DOCK3: variants seen among roughly 807,000 people sequenced by gnomAD.
The protein encoded by DOCK3 is dedicator of cytokinesis 3.
A neutral mutation model predicts 265.6 loss-of-function variants in DOCK3; 60 were observed. The observed-to-expected ratio is 0.23, with a 90% confidence interval of 0.18 to 0.28. DOCK3 has a LOEUF of 0.28. Ranked by LOEUF, DOCK3 falls within the 10% of genes least tolerant of loss-of-function variation. DOCK3 has a pLI of 1.00. For missense variants in DOCK3, 1,981 were observed against 2,594.3 expected (o/e 0.76, Z 5.14); for synonymous variants, 881 against 938.0 (o/e 0.94, Z 1.11).
intron 2 of DOCK3, among the ~76,000 whole-genome samples, chr3:50,793,172 C>T (rs932114048): frequency 9.9e-5 from 15 of 151,974 alleles, no homozygotes; most frequent in African/African-American, 2.9e-4. Flanking sequence ...ACGTTTCTTC[C>T]AGATTTTTTG....
intron 8 of DOCK3, among the ~76,000 whole-genome samples, chr3:51,089,516 G>T (rs1197867561): frequency 6.6e-6 from 1 of 152,164 alleles, no homozygotes; most frequent in East Asian, 1.9e-4. Flanking sequence ...CAGTCTGGGA[G>T]AAAATAAAAA....
chr3:51,228,672 T>C lies in DOCK3; in HGVS notation c.1659T>C (p.Asn553=), dbSNP rs1342148571. Residue 553 remains asparagine (N), a synonymous_variant, in exon 18 of 53, where the codon AAT becomes AAC. Transcript: ENST00000266037. Reference sequence around the variant, plus strand: ...ATTTTTGCCTACAGTGTGATGAGAATAGCACGTTTAATAACCATGCTCTGT... The same window carrying C: ...ATTTTTGCCTACAGTGTGATGAGAACAGCACGTTTAATAACCATGCTCTGT... The part of the protein sequence containing the change: ...HELYVYKCDE[N]STFNNHALYL... 3 of 1,613,696 alleles carry C rather than the reference T, an allele frequency of 1.9e-6. No individual in the cohort carries two copies. Among genetic ancestry groups the C allele is most frequent in the Non-Finnish European group, 2.5e-6 (3 of 1,179,746 alleles).
chr3:51,230,691 AT>A (rs1195112553), intron 19 of DOCK3, among the ~76,000 whole-genome samples: 1 of 152,026 alleles, frequency 6.6e-6, no homozygotes, highest in East Asian at 1.9e-4. Flanking sequence ...AAATTTTTGT[AT>A]TTTTAATAGA....
chr3:50,750,655 C>A (rs2039742126), intron 1 of DOCK3, among the ~76,000 whole-genome samples: 1 of 152,110 alleles, frequency 6.6e-6, no homozygotes. Context: ...TGCAGTGCTT[C>A]ACTTGCTTTG....
At chr3:51,075,239 A>G (rs1284907391) in intron 6 of DOCK3, 117 bp from the exon 7 acceptor site, 4 of 745,108 alleles carry the variant, frequency 5.4e-6, no homozygotes, top group Admixed American at 2.7e-5. Flanking sequence ...TGTTCCTGCT[A>G]GGACAGTGTC....
At chr3:51,206,569 A>C (rs2089222760) in intron 12 of DOCK3, among the ~76,000 whole-genome samples, 1 of 152,204 alleles carries the variant, frequency 6.6e-6, no homozygotes, top group Admixed American at 6.5e-5. Context: ...CTTTAAAAAA[A>C]AAAGAGAGAG....
intron 2 of DOCK3, among the ~76,000 whole-genome samples, chr3:50,789,645 A>C (rs1479276657): frequency 6.6e-6 from 1 of 152,074 alleles, no homozygotes; most frequent in African/African-American, 2.4e-5. Flanking sequence ...CTGTTTTATA[A>C]ATTTGGGAGC....
Position 51,312,559 on chromosome 3 carries a change from G to A in DOCK3, c.3177G>A (p.Arg1059=), listed in dbSNP as rs2083136331. The part of the protein sequence containing the change: ...LQLEIITSAK[R]KKILDKYGDM... ...TAGAAATTATCACCTCAGCCAAAAG[G>A]AAGAAGATTCTAGATAAGTAAGATA... Residue 1059 remains arginine, a synonymous_variant, in exon 30 of 53, where the codon AGG becomes AGA. Transcript: ENST00000266037. The A allele has an allele frequency of 1.3e-6, 2 of 1,590,724 alleles. No individual in the cohort carries two copies. The highest frequency in any genetic ancestry group is 1.7e-6 in the Non-Finnish European group (2 of 1,174,194).
intron 5 of DOCK3, among the ~76,000 whole-genome samples, chr3:51,028,186 T>G (rs2079899003): frequency 6.6e-6 from 1 of 152,226 alleles, no homozygotes; most frequent in Non-Finnish European, 1.5e-5. Context: ...CCTATGAAGC[T>G]TAACTTAGTG....
At chr3:50,891,888 A>G (rs899268594) in intron 4 of DOCK3, among the ~76,000 whole-genome samples, 3 of 152,086 alleles carry the variant, frequency 2.0e-5, no homozygotes, top group African/African-American at 7.2e-5. Flanking sequence ...ATTGGGGAGC[A>G]CTTTGCTAGC....
chr3:51,163,280 C>G (rs1415900346), intron 12 of DOCK3, among the ~76,000 whole-genome samples: 1 of 152,030 alleles, frequency 6.6e-6, no homozygotes, highest in Non-Finnish European at 1.5e-5. Context: ...TTTCATTGTT[C>G]ATAGTCAGCC....
intron 9 of DOCK3, among the ~76,000 whole-genome samples, chr3:51,109,337 T>TA (rs1275881449): frequency 2.6e-5 from 4 of 152,106 alleles, no homozygotes; most frequent in African/African-American, 9.7e-5. Flanking sequence ...AGAACAAAGA[T>TA]ACAACATATG....
chr3:50,909,862 T>TTG (rs1445748773), intron 4 of DOCK3, among the ~76,000 whole-genome samples: 1 of 151,906 alleles, frequency 6.6e-6, no homozygotes. Flanking sequence ...ACTCAATCAG[T>TTG]TGTAGGTTTG....
At chr3:50,738,664 A>G (rs935306367) in intron 1 of DOCK3, among the ~76,000 whole-genome samples, 1 of 152,242 alleles carries the variant, frequency 6.6e-6, no homozygotes, top group Admixed American at 6.5e-5. Context: ...ACAGGTGCAG[A>G]TTAAGTTCAC....
chr3:50,900,730 G>C, intron 4 of DOCK3: 1 of 450,422 alleles, frequency 2.2e-6, no homozygotes, highest in Non-Finnish European at 4.4e-6. Flanking sequence ...CAATGGTCAG[G>C]CTCCTCTGCT....
At position 50,745,340 on chromosome 3, in the gene DOCK3, C is replaced by T. The variant is rs184598422; in HGVS notation, c.38-33335C>T. 6.6e-5 allele frequency among the ~76,000 whole-genome samples: 10 copies of T among 152,194 alleles called. No individual in the cohort carries two copies. In the East Asian group the frequency reaches 7.7e-4, roughly 12 times the overall value. On this transcript the variant is annotated intron_variant, in intron 1 of 52. Transcript: ENST00000266037. ...GGATGACAGGCTGAGCCACCGTGCCCGGTGCCTTTCAGATTTTGATAGGGG... is the reference window on the plus strand; with the variant it reads ...GGATGACAGGCTGAGCCACCGTGCCTGGTGCCTTTCAGATTTTGATAGGGG...
chr3:50,754,626 C>A (rs2040045587), intron 1 of DOCK3, among the ~76,000 whole-genome samples: 1 of 143,064 alleles, frequency 7.0e-6, no homozygotes, highest in South Asian at 2.2e-4. Flanking sequence ...ATGGTGTGAT[C>A]TTGGCTCACT....
chr3:50,969,996 C>T (rs984932784), intron 5 of DOCK3, among the ~76,000 whole-genome samples: 29 of 152,016 alleles, frequency 1.9e-4, no homozygotes, highest in Admixed American at 5.9e-4. Flanking sequence ...GGTGTAAACC[C>T]GGGAGGCGGA....
At chr3:51,075,531 A>G in intron 7 of DOCK3, 91 bp downstream of exon 7, 1 of 1,171,176 alleles carries the variant, frequency 8.5e-7, no homozygotes, top group Non-Finnish European at 1.2e-6. Context: ...CAACATTGCT[A>G]AAAATTTGTT....
Sources: gnomAD v4.1 joint callset for allele counts (sites outside exome capture counted in the v4.1 genomes callset) on GRCh38, gnomAD v4.1.1 for gene constraint, MANE v1.5 for transcripts, NCBI Gene and HGNC (gene_info 2026-07-23, HGNC 2026-07-21) for gene names.